Variants in CELF1 observed in about 807,000 individuals in gnomAD.
CELF1 encodes the protein CUGBP Elav-like family member 1, also known as 50 kDa nuclear polyadenylated RNA-binding protein.
A neutral mutation model predicts 61.8 loss-of-function variants in CELF1; 10 were observed. The ratio of observed to expected loss-of-function variants is 0.16; its 90% confidence interval spans 0.10 to 0.27. CELF1 has a LOEUF of 0.27. CELF1 is among the 10% of genes least tolerant of loss of function. The pLI is 1.00. For synonymous variants in CELF1, 236 were observed against 225.1 expected, an observed-to-expected ratio of 1.05 and a Z score of -0.43; for missense variants, 380 against 639.1, an observed-to-expected ratio of 0.59 and a Z score of 4.37.
chr11:47,561,405 T>C (rs2097224816), intron 2 of CELF1, among the ~76,000 whole-genome samples: 1 of 128,402 alleles, frequency 7.8e-6, no homozygotes, highest in Non-Finnish European at 1.5e-5. Flanking sequence ...ATCGCACCAC[T>C]GCACTCCAGC....
At chr11:47,521,047 C>T (rs562138324) in intron 1 of CELF1, among the ~76,000 whole-genome samples, 4 of 152,096 alleles carry the variant, frequency 2.6e-5, no homozygotes, top group Non-Finnish European at 5.9e-5. Context: ...GTTAGGAGAT[C>T]GAGTCCATCC....
At chr11:47,543,174 CAGG>C (rs1474602648) in intron 1 of CELF1, among the ~76,000 whole-genome samples, 2 of 152,120 alleles carry the variant, frequency 1.3e-5, no homozygotes, top group South Asian at 2.1e-4. Context: ...GAGGCCGAGG[CAGG>C]AGGATTGCTA....
intron 1 of CELF1, among the ~76,000 whole-genome samples, chr11:47,551,853 A>C (rs576836400): frequency 6.6e-6 from 1 of 152,118 alleles, no homozygotes; most frequent in African/African-American, 2.4e-5. Flanking sequence ...CCCCGTCTAT[A>C]CTAAAAATAC....
At chr11:47,489,941 T>TTTTG (rs2090417347) in intron 3 of CELF1, among the ~76,000 whole-genome samples, 1 of 109,424 alleles carries the variant, frequency 9.1e-6, no homozygotes, top group African/African-American at 3.8e-5. Flanking sequence ...TCTTGTTTTT[T>TTTTG]TTTTTTTTTT....
chr11:47,496,999 T>G (rs2093241972), intron 3 of CELF1, among the ~76,000 whole-genome samples: 2 of 152,172 alleles, frequency 1.3e-5, no homozygotes, highest in Non-Finnish European at 2.9e-5. Context: ...AACTAGTACC[T>G]AAGATTAGCA....
At position 47,528,498 on chromosome 11, in the gene CELF1, ACAAGCACTTTG is replaced by A. The variant is rs1355990236; in HGVS notation, c.-154+24483_-154+24493del. Among the ~76,000 whole-genome samples the A allele has an allele frequency of 2.6e-5, 4 of 152,010 alleles. No individual in the cohort carries two copies. In the South Asian group the frequency reaches 6.2e-4, roughly 24 times the overall value. ...AGGCACAGTGGCTCACATCTGTAATACAAGCACTTTGGGAGGCCGAGGTGGGAGGACTGTTC... is the reference window on the plus strand; with the variant it reads ...AGGCACAGTGGCTCACATCTGTAATAGGAGGCCGAGGTGGGAGGACTGTTC... On this transcript the variant is annotated intron_variant, in intron 1 of 14. Coordinates refer to ENST00000687097, the MANE Select transcript of CELF1 (RefSeq NM_001376376.1).
chr11:47,504,168 C>G (rs1203202718), intron 1 of CELF1, among the ~76,000 whole-genome samples: 2 of 151,882 alleles, frequency 1.3e-5, no homozygotes, highest in East Asian at 3.9e-4. Context: ...GAATAAGACC[C>G]TGTCTCAAAA....
At chr11:47,519,189 T>A (rs961763933) in intron 1 of CELF1, among the ~76,000 whole-genome samples, 1 of 152,176 alleles carries the variant, frequency 6.6e-6, no homozygotes, top group Admixed American at 6.5e-5. Context: ...TATTCTATTA[T>A]CACTTTTTAA....
intron 3 of CELF1, among the ~76,000 whole-genome samples, chr11:47,498,147 C>CA (rs2093431319): frequency 6.6e-6 from 1 of 152,172 alleles, no homozygotes; most frequent in African/African-American, 2.4e-5. Context: ...AGATCCACTT[C>CA]AAAAGAGTAA....
chr11:47,478,028 C>T (rs2081051809), intron 10 of CELF1, among the ~76,000 whole-genome samples: 1 of 152,046 alleles, frequency 6.6e-6, no homozygotes, highest in African/African-American at 2.4e-5. Flanking sequence ...GGAATCTAAA[C>T]TGTGCTGTCG....
intron 1 of CELF1, among the ~76,000 whole-genome samples, chr11:47,527,231 G>A (rs2096277441): frequency 6.6e-6 from 1 of 150,794 alleles, no homozygotes; most frequent in South Asian, 2.1e-4. Context: ...TCTACAGAAA[G>A]AAGTAAAAAA....
At chr11:47,506,041 T>C (rs2094467409) in intron 1 of CELF1, among the ~76,000 whole-genome samples, 1 of 150,958 alleles carries the variant, frequency 6.6e-6, no homozygotes, top group Admixed American at 6.7e-5. Flanking sequence ...TCCAGTGGTG[T>C]CCAATCTTTA....
rs768296414 is a variant in CELF1 at position 47,484,452 on chromosome 11, A to G, written c.463T>C (p.Phe155Leu). The change falls in exon 7 of 15, where the codon TTC becomes CTC. Residue 155 changes from phenylalanine (F) to leucine (L), a missense_variant. By Grantham distance (22) the Phe-to-Leu change is conservative. Coordinates refer to ENST00000687097, the MANE Select transcript of CELF1 (RefSeq NM_001376376.1). ...KCTENDIRVM[F>L]SSFGQIEECR... ...TCTTCAATCTGTCCAAACGAAGAGA[A>G]CATGACTCGGATGTCATTTTCAGTG... The G allele has an allele frequency of 6.2e-7, 1 of 1,614,016 alleles. No homozygotes were observed. The highest frequency in any genetic ancestry group is 8.5e-7 in the Non-Finnish European group (1 of 1,179,942).
chr11:47,559,566 T>C (rs913594284), intron 2 of CELF1, among the ~76,000 whole-genome samples: 16 of 152,140 alleles, frequency 1.1e-4, no homozygotes, highest in Admixed American at 5.2e-4. Context: ...CCCAGGCTGA[T>C]CTTAAACTCC....
intron 10 of CELF1, 116 bp from the exon 11 acceptor site, chr11:47,477,541 G>A (rs900822230): frequency 9.4e-7 from 1 of 1,069,016 alleles, no homozygotes; most frequent in South Asian, 1.5e-5. Flanking sequence ...AACTGTTCTA[G>A]ATAAGCCTTA....
At chr11:47,548,495 C>T (rs1161141667) in intron 1 of CELF1, among the ~76,000 whole-genome samples, 1 of 152,056 alleles carries the variant, frequency 6.6e-6, no homozygotes, top group Non-Finnish European at 1.5e-5. Flanking sequence ...TCAAAGCATA[C>T]AATCGACAAA....
chr11:47,542,861 G>A (rs1191750670), intron 1 of CELF1, among the ~76,000 whole-genome samples: 5 of 152,114 alleles, frequency 3.3e-5, no homozygotes, highest in Admixed American at 6.6e-5. Context: ...GGCTGGGTGC[G>A]GCAGCTCACA....
chr11:47,549,839 C>CA (rs1472226752), intron 1 of CELF1, among the ~76,000 whole-genome samples: 1 of 146,756 alleles, frequency 6.8e-6, no homozygotes, highest in Non-Finnish European at 1.5e-5. Flanking sequence ...TTTTCTGAGA[C>CA]AGAGTCTTGC....
In CELF1 at chr11:47,547,296, T is replaced by C. The variant is rs529351471; in HGVS notation, c.-154+5696A>G. On this transcript the variant is annotated intron_variant, in intron 1 of 14. Coordinates refer to ENST00000687097, the MANE Select transcript of CELF1 (RefSeq NM_001376376.1). ...TATGAAGAGCATGAATTGTAATCAA[T>C]TGAACCTTTATAGAACTCCAAGAGA... is the stretch of plus-strand genomic sequence containing the variant. 6.6e-5 allele frequency among the ~76,000 whole-genome samples: 10 copies of C among 152,200 alleles called. No individual in the cohort carries two copies. The South Asian group carries it at 1.5e-3, about 22-fold the overall frequency.
Sources: allele counts gnomAD v4.1 joint callset (sites outside exome capture counted in the v4.1 genomes callset), GRCh38; gene constraint gnomAD v4.1.1; transcripts MANE v1.5; gene names NCBI Gene and HGNC (gene_info 2026-07-23, HGNC 2026-07-21).